Variants in ZNF721 observed in about 807,000 individuals in gnomAD.
The protein encoded by ZNF721 is zinc finger protein 721.
ZNF721 carries 2 observed loss-of-function variants against 2.4 expected under a neutral mutation model. The ratio of observed to expected loss-of-function variants is 0.82; its 90% CI spans 0.34 to 2.58. The LOEUF is 2.58. Among genes scored for constraint, ZNF721 ranks in the 30% most tolerant of loss-of-function variants. The pLI is 0.11. For missense variants in ZNF721, 1,187 were observed against 1,085.5 expected, an observed-to-expected ratio of 1.09 and a Z score of -1.31; for synonymous variants, 398 against 381.8, an observed-to-expected ratio of 1.04 and a Z score of -0.50.
chr4:472,441 C>T (rs898737190), intron 2 of ZNF721, 134 bp downstream of exon 2: 3 of 945,894 alleles, frequency 3.2e-6, no homozygotes, highest in Non-Finnish European at 4.6e-6. Flanking sequence ...ATTTACTATA[C>T]ACATATATAA....
rs533495718 is a variant in ZNF721, at chr4:473,909, C to T, written c.-93-1208G>A. The stretch of plus-strand genomic sequence containing the variant: ...GGGGACTCCGTTCGCAGACTCAGTC[C>T]CGCCGCCGCCATTTGCCGCCGGTTC... On this transcript the variant is annotated intron_variant, in intron 1 of 2. Coordinates refer to ENST00000511833, the MANE Select transcript of ZNF721 (RefSeq NM_133474.4). 4 of 1,473,974 alleles carry T rather than the reference C, an allele frequency of 2.7e-6. No individual in the cohort carries two copies. The East Asian group carries it at 1.3e-4, about 46-fold the overall frequency. The allele number at this position is 1,473,974 out of a possible 1,614,324, so 91.3% of individuals were successfully genotyped here. A position where few individuals can be genotyped will look rare whatever the true frequency, so the allele number is the denominator to read the frequency against.
rs782780696 is a variant in ZNF721 at position 443,221 on chromosome 4, G to T, written c.1246C>A (p.Pro416Thr). The T allele has an allele frequency of 1.7e-5, 28 of 1,613,786 alleles. No homozygotes were observed. The highest frequency in any genetic ancestry group is 3.3e-5 in the Admixed American group (2 of 59,978). Residue 416 changes from proline to threonine, a missense_variant, in exon 3 of 3, where the codon CCC becomes ACC. Coordinates refer to ENST00000511833, the MANE Select transcript of ZNF721 (RefSeq NM_133474.4). Reference sequence around the variant, plus strand: ...CTGCCACGATCTTCACATGTGTAGGGTTTCTCTCTGGTGTGAATTCTCTTA... The same window carrying T: ...CTGCCACGATCTTCACATGTGTAGGTTTTCTCTCTGGTGTGAATTCTCTTA... Reference protein sequence around the residue: ...AHKRIHTREKPYTCEDRGRAF... With the variant: ...AHKRIHTREKTYTCEDRGRAF...
At chr4:497,050 C>T (rs1716172356) in intron 1 of ZNF721, among the ~76,000 whole-genome samples, 2 of 151,956 alleles carry the variant, frequency 1.3e-5, no homozygotes. Flanking sequence ...CAGAAATAAA[C>T]ACCAGCTGGT....
chr4:463,686 C>G (rs139054259), intron 2 of ZNF721, among the ~76,000 whole-genome samples: 2 of 152,190 alleles, frequency 1.3e-5, no homozygotes, highest in Non-Finnish European at 2.9e-5. Flanking sequence ...TGTTCTCACT[C>G]CTAAGTGGGA....
intron 2 of ZNF721, among the ~76,000 whole-genome samples, chr4:458,937 T>A (rs916093995): frequency 9.2e-5 from 14 of 151,998 alleles, no homozygotes; most frequent in Non-Finnish European, 2.9e-5. Context: ...GGGAAGCCCA[T>A]CAGACTAACA....
chr4:463,402 C>G (rs1715130964), intron 2 of ZNF721, among the ~76,000 whole-genome samples: 1 of 152,162 alleles, frequency 6.6e-6, no homozygotes, highest in Admixed American at 6.5e-5. Flanking sequence ...AATCCCATTA[C>G]TGGATATATA....
At chr4:450,959 ATATATATATATAT>A (rs1560228774) in intron 2 of ZNF721, among the ~76,000 whole-genome samples, 511 of 22,160 alleles carry the variant, frequency 0.023, 38 homozygotes, top group Middle Eastern at 0.17. Flanking sequence ...AAAAAAAAAT[ATATATATATATAT>A]ATATATATAT....
At chr4:465,901 A>G (rs1576963379) in intron 2 of ZNF721, among the ~76,000 whole-genome samples, 1 of 152,160 alleles carries the variant, frequency 6.6e-6, no homozygotes, top group East Asian at 1.9e-4. Context: ...GAAAGGATTA[A>G]AAAACAGAAA....
In ZNF721 at chr4:444,158, A is replaced by G; in HGVS notation, c.309T>C (p.His103=). The G allele has an allele frequency of 1.9e-6, 3 of 1,614,134 alleles. No homozygotes were observed. The highest frequency in any genetic ancestry group is 2.5e-6 in the Non-Finnish European group (3 of 1,179,974). ...FANSNKDKTR[H]TGEKHFKCNE... ...TACATTTAAAGTGTTTCTCTCCAGTATGTCTTGTCTTATCTTTGTTTGAAT... is the reference window on the plus strand; with the variant it reads ...TACATTTAAAGTGTTTCTCTCCAGTGTGTCTTGTCTTATCTTTGTTTGAAT... The change falls in exon 3 of 3, where the codon CAT becomes CAC. Residue 103 remains histidine (H), a synonymous_variant. Coordinates refer to ENST00000511833, the MANE Select transcript of ZNF721 (RefSeq NM_133474.4).
chr4:466,257 A>G (rs1209786553), intron 2 of ZNF721, among the ~76,000 whole-genome samples: 1 of 152,242 alleles, frequency 6.6e-6, no homozygotes, highest in Non-Finnish European at 1.5e-5. Flanking sequence ...ACTCGCACAC[A>G]TGCTGTCTTC....
Position 444,124 on chromosome 4 carries a change from C to T in ZNF721, c.343G>A (p.Gly115Ser), listed in dbSNP as rs374184602. The change falls in exon 3 of 3, where the codon GGC (glycine) becomes AGC (serine). Residue 115 changes from glycine (G) to serine (S), a missense_variant. By Grantham distance (56) the Gly-to-Ser change is moderately conservative. Coordinates refer to ENST00000511833, the MANE Select transcript of ZNF721 (RefSeq NM_133474.4). ...GEKHFKCNEC[G>S]KSFQKFSDLT... ...TCTGAGAACTTCTGAAATGACTTGCCACATTCGTTACATTTAAAGTGTTTC... is the reference window on the plus strand; with the variant it reads ...TCTGAGAACTTCTGAAATGACTTGCTACATTCGTTACATTTAAAGTGTTTC... The T allele has an allele frequency of 3.7e-6, 6 of 1,614,026 alleles. No homozygotes were observed. In the African/African-American group the frequency reaches 8.0e-5, roughly 22 times the overall value.
chr4:475,673 T>C (rs1427194263), intron 1 of ZNF721, among the ~76,000 whole-genome samples: 2 of 152,154 alleles, frequency 1.3e-5, no homozygotes, highest in Non-Finnish European at 2.9e-5. Flanking sequence ...TAGCTATGCA[T>C]GAATTCCTCT....
At chr4:473,522 CT>C (rs1270381539) in intron 1 of ZNF721, among the ~76,000 whole-genome samples, 1 of 151,898 alleles carries the variant, frequency 6.6e-6, no homozygotes, top group Admixed American at 6.6e-5. Context: ...TCACAAAAGT[CT>C]TTTTTTTCAA....
rs1714369890 is a variant in ZNF721, at chr4:443,840, A to G, written c.627T>C (p.Asn209=). The G allele has an allele frequency of 1.9e-6, 3 of 1,613,820 alleles. No homozygotes were observed. The highest frequency in any genetic ancestry group is 3.3e-5 in the Admixed American group (2 of 59,996). The change falls in exon 3 of 3, where the codon AAT becomes AAC. Residue 209 remains asparagine, a synonymous_variant. Coordinates refer to ENST00000511833, the MANE Select transcript of ZNF721 (RefSeq NM_133474.4). ...CTCCAGTATGAATTTTCTTATATTC[A>G]TTCAGGTTTGTGGACCATCCAAAGG... The part of the protein sequence containing the change: ...DRAFGWSTNL[N]EYKKIHTGDK...
At chr4:473,658 G>T (rs1553868118) in intron 1 of ZNF721, among the ~76,000 whole-genome samples, 1 of 152,228 alleles carries the variant, frequency 6.6e-6, no homozygotes, top group African/African-American at 2.4e-5. Flanking sequence ...GTAGGGACAG[G>T]ACCCCTGGAC....
Position 444,039 on chromosome 4 carries a change from C to T in ZNF721, c.428G>A (p.Gly143Asp). The T allele has an allele frequency of 6.2e-7, 1 of 1,613,792 alleles. No individual in the cohort carries two copies. Among genetic ancestry groups the T allele is most frequent in the South Asian group, 1.1e-5 (1 of 91,058 alleles). ...GTCTGTGTACCATCCAAAGTCTTTG[C>T]CACGTTCTTCACAAGTGTAGGGTTT... ...GEKPYTCEER[G>D]KDFGWYTDLN... Residue 143 changes from glycine (G) to aspartate (D), a missense_variant, in exon 3 of 3, where the codon GGC becomes GAC. Coordinates refer to ENST00000511833, the MANE Select transcript of ZNF721 (RefSeq NM_133474.4).
chr4:473,187 T>C (rs1553868016), intron 1 of ZNF721, among the ~76,000 whole-genome samples: 1 of 152,138 alleles, frequency 6.6e-6, no homozygotes, highest in Non-Finnish European at 1.5e-5. Context: ...TCAATGCGCA[T>C]ATCAATTATT....
chr4:446,595 G>C (rs1476209255), intron 2 of ZNF721, among the ~76,000 whole-genome samples: 1 of 152,046 alleles, frequency 6.6e-6, no homozygotes, highest in Non-Finnish European at 1.5e-5. Flanking sequence ...TGGCCAGGCT[G>C]GTCTCGAACT....
intron 1 of ZNF721, among the ~76,000 whole-genome samples, chr4:479,785 C>A (rs1412729719): frequency 6.6e-6 from 1 of 152,248 alleles, no homozygotes; most frequent in Non-Finnish European, 1.5e-5. Flanking sequence ...GTGCCAGTGT[C>A]TTCCTGAGAG....
Sources: gnomAD v4.1 joint callset for allele counts (sites outside exome capture counted in the v4.1 genomes callset) on GRCh38, gnomAD v4.1.1 for gene constraint, MANE v1.5 for transcripts, NCBI Gene and HGNC (gene_info 2026-07-23, HGNC 2026-07-21) for gene names.